Variants in ELF1 observed in about 807,000 individuals in gnomAD.
The protein encoded by ELF1 is ETS-related transcription factor Elf-1.
ELF1 carries 24 observed loss-of-function variants against 59.9 expected under a neutral mutation model. That is an observed-to-expected ratio of 0.40 (90% CI 0.29 to 0.56). The LOEUF is 0.56. Ranked by LOEUF, ELF1 falls within the 20% of genes least tolerant of loss-of-function variation. ELF1 has a pLI of 0.44. For missense variants in ELF1, 627 were observed against 742.2 expected, an observed-to-expected ratio of 0.84 and a Z score of 1.80; for synonymous variants, 248 against 266.2, an observed-to-expected ratio of 0.93 and a Z score of 0.67.
At position 40,955,353 on chromosome 13, in the gene ELF1, G is replaced by A. The variant is rs1490817398; in HGVS notation, c.253+3483C>T. On this transcript the variant is annotated intron_variant, in intron 3 of 8. Transcript: ENST00000239882. ...GGGTTAGCCCCCCACCCGGCCAGCC[G>A]CCCCATCCGGGAGGGAGATGGGGGG... Among the ~76,000 whole-genome samples the A allele has an allele frequency of 6.1e-3, 873 of 142,250 alleles. 20 individuals are homozygous for A. The highest frequency in any genetic ancestry group is 0.022 in the African/African-American group (828 of 37,630). The allele number at this position is 142,250 out of a possible 152,430, so 93.3% of individuals were successfully genotyped here. A position where few individuals can be genotyped will look rare whatever the true frequency, so the allele number is the denominator to read the frequency against.
intron 5 of ELF1, among the ~76,000 whole-genome samples, chr13:40,944,467 C>G (rs182770717): frequency 3.7e-3 from 570 of 152,188 alleles, no homozygotes; most frequent in Non-Finnish European, 5.7e-3. Flanking sequence ...TTTGGTGAAC[C>G]ACATAGTTAA....
intron 1 of ELF1, among the ~76,000 whole-genome samples, chr13:41,015,203 G>A (rs540376007): frequency 1.3e-5 from 2 of 151,702 alleles, no homozygotes; most frequent in Non-Finnish European, 2.9e-5. Context: ...AGTTCACTGA[G>A]AAATAAAAAA....
chr13:40,957,761 C>G (rs1481005772), intron 3 of ELF1, among the ~76,000 whole-genome samples: 2 of 152,202 alleles, frequency 1.3e-5, no homozygotes, highest in Non-Finnish European at 1.5e-5. Flanking sequence ...GTGACTAAAA[C>G]AGAGGACAAC....
intron 1 of ELF1, among the ~76,000 whole-genome samples, chr13:41,012,237 C>G (rs1409219994): frequency 1.3e-5 from 2 of 149,086 alleles, no homozygotes; most frequent in African/African-American, 5.0e-5. Flanking sequence ...CACTTGAACC[C>G]AGGAGCCAGA....
At chr13:40,935,739 T>C (rs1869724204) in intron 8 of ELF1, among the ~76,000 whole-genome samples, 2 of 151,344 alleles carry the variant, frequency 1.3e-5, no homozygotes, top group Non-Finnish European at 2.9e-5. Flanking sequence ...AGTGGTGTGA[T>C]CTCAGCTCAC....
chr13:40,950,419 A>T (rs1457983869), intron 4 of ELF1, among the ~76,000 whole-genome samples: 1 of 152,060 alleles, frequency 6.6e-6, no homozygotes, highest in Non-Finnish European at 1.5e-5. Flanking sequence ...TACCTTTCCA[A>T]TCTCATTTCC....
chr13:40,974,043 C>A (rs541006322), intron 2 of ELF1, among the ~76,000 whole-genome samples: 9 of 152,258 alleles, frequency 5.9e-5, no homozygotes, highest in Middle Eastern at 3.4e-3. Flanking sequence ...GTCATGACTG[C>A]TAACAGGTAC....
At chr13:41,036,162 C>T (rs9594482) in intron 1 of ELF1, among the ~76,000 whole-genome samples, 48,564 of 151,688 alleles carry the variant, frequency 0.32, 9,467 homozygotes, top group Middle Eastern at 0.46. Context: ...GTGATCCACC[C>T]GTCTCGGCCT....
intron 2 of ELF1, among the ~76,000 whole-genome samples, chr13:40,969,157 T>C (rs575182406): frequency 9.8e-5 from 15 of 152,332 alleles, no homozygotes; most frequent in African/African-American, 3.6e-4. Context: ...GTGTAGTACA[T>C]GAGTCTAGTT....
chr13:41,042,534 T>G (rs55861413), intron 1 of ELF1, among the ~76,000 whole-genome samples: 1 of 152,034 alleles, frequency 6.6e-6, no homozygotes, highest in Non-Finnish European at 1.5e-5. Context: ...GTTCAATTCC[T>G]ACCTATGAGT....
At chr13:41,033,770 A>G (rs1243851722) in intron 1 of ELF1, among the ~76,000 whole-genome samples, 1 of 152,230 alleles carries the variant, frequency 6.6e-6, no homozygotes, top group Non-Finnish European at 1.5e-5. Flanking sequence ...ATTGTGTTCC[A>G]TGAAACTGGT....
At chr13:40,987,717 T>C (rs994609415) in intron 1 of ELF1, among the ~76,000 whole-genome samples, 2 of 152,106 alleles carry the variant, frequency 1.3e-5, no homozygotes, top group African/African-American at 4.8e-5. Flanking sequence ...TTGAATGACT[T>C]CTCTAATGAA....
intron 1 of ELF1, among the ~76,000 whole-genome samples, chr13:41,049,004 CTTG>C (rs1365006212): frequency 6.6e-6 from 1 of 152,168 alleles, no homozygotes; most frequent in East Asian, 1.9e-4. Context: ...ACTTTCAGAA[CTTG>C]TTGTGTTAGA....
rs150550817 is a variant in ELF1, at chr13:41,008,536, G to T, written c.-229+10692C>A. On this transcript the variant is annotated intron_variant, in intron 1 of 8. Coordinates refer to ENST00000239882, the MANE Select transcript of ELF1 (RefSeq NM_172373.4). ...ATGTCAACATTTGCAATACCCAAAT[G>T]ACTCACGCATGATGTTACAAAATCT... is the stretch of plus-strand genomic sequence containing the variant. 3.5e-3 allele frequency among the ~76,000 whole-genome samples: 530 copies of T among 151,666 alleles called. 2 individuals are homozygous for T. The highest frequency in any genetic ancestry group is 0.012 in the African/African-American group (485 of 41,298).
intron 1 of ELF1, among the ~76,000 whole-genome samples, chr13:41,004,334 G>A (rs1393735878): frequency 6.6e-6 from 1 of 151,888 alleles, no homozygotes; most frequent in Non-Finnish European, 1.5e-5. Context: ...TTTCCAAGGA[G>A]AGAGAACATG....
intron 1 of ELF1, among the ~76,000 whole-genome samples, chr13:41,034,959 C>A (rs1248417863): frequency 1.3e-5 from 2 of 152,196 alleles, no homozygotes; most frequent in Admixed American, 1.3e-4. Flanking sequence ...AGAGCATTGT[C>A]ATGCTTTTTC....
chr13:40,996,107 A>G (rs1453769531), intron 1 of ELF1, among the ~76,000 whole-genome samples: 2 of 152,214 alleles, frequency 1.3e-5, no homozygotes, highest in Non-Finnish European at 2.9e-5. Flanking sequence ...GCAAACTAAA[A>G]TGACAATGAG....
chr13:40,986,725 C>T (rs1352689027), intron 1 of ELF1, among the ~76,000 whole-genome samples: 1 of 152,050 alleles, frequency 6.6e-6, no homozygotes, highest in Non-Finnish European at 1.5e-5. Flanking sequence ...TGATGGTAAA[C>T]ACAAAACCCT....
At chr13:41,049,733 T>C (rs1193909253) in intron 1 of ELF1, among the ~76,000 whole-genome samples, 2 of 152,152 alleles carry the variant, frequency 1.3e-5, no homozygotes, top group East Asian at 3.9e-4. Context: ...CGTCATGTCC[T>C]TAGGGAAGCC....
Sources: allele counts gnomAD v4.1 joint callset (sites outside exome capture counted in the v4.1 genomes callset), GRCh38; gene constraint gnomAD v4.1.1; transcripts MANE v1.5; gene names NCBI Gene and HGNC (gene_info 2026-07-23, HGNC 2026-07-21).